The following CCDC187 variants were observed in gnomAD, a reference collection of about 807,000 sequenced individuals.
CCDC187 encodes the protein coiled-coil domain-containing protein 187.
A neutral mutation model predicts 38.0 loss-of-function variants in CCDC187; 32 were observed. That is an observed-to-expected ratio of 0.84 (90% CI 0.64 to 1.13). The LOEUF is 1.13. Among genes scored for constraint, CCDC187 ranks in the 50% most tolerant of loss-of-function variants. CCDC187 has a pLI of 0.00. For synonymous variants in CCDC187, 333 were observed against 347.9 expected (o/e 0.96, Z 0.48); for missense variants, 707 against 786.8 (o/e 0.90, Z 1.21).
chr9:136,287,391 G>A (rs1304338791), intron 7 of CCDC187, among the ~76,000 whole-genome samples: 3 of 152,190 alleles, frequency 2.0e-5, no homozygotes, highest in Admixed American at 6.5e-5. Flanking sequence ...CTACCATCAG[G>A]CCTCCCACAT....
At chr9:136,304,996 G>A (rs1831777429), upstream of CCDC187, among the ~76,000 whole-genome samples, 1 of 152,218 alleles carries the variant, frequency 6.6e-6, no homozygotes, top group South Asian at 2.1e-4. Context: ...CACCGCCCAA[G>A]CCCAGCCCCA....
intron 12 of CCDC187, among the ~76,000 whole-genome samples, chr9:136,275,509 TC>T (rs1409816834): frequency 5.3e-5 from 8 of 151,956 alleles, no homozygotes; most frequent in African/African-American, 1.9e-4. Context: ...CGCACATACT[TC>T]CATCACTCTC....
chr9:136,255,314 C>A (rs1830598556), intron 25 of CCDC187, among the ~76,000 whole-genome samples, 180 bp from the exon 26 acceptor site: 1 of 152,170 alleles, frequency 6.6e-6, no homozygotes, highest in African/African-American at 2.4e-5. Context: ...ACCACGCCCA[C>A]CCCCACCCAC....
rs1451920596 is a variant in CCDC187 at position 136,257,773 on chromosome 9, G to C, written c.4367-932C>G. Among the ~76,000 whole-genome samples, 5 of 152,250 alleles carry C rather than the reference G, an allele frequency of 3.3e-5. No individual in the cohort carries two copies. Among genetic ancestry groups the C allele is most frequent in the African/African-American group, 9.6e-5 (4 of 41,474 alleles). On this transcript the variant is annotated intron_variant, in intron 22 of 25. Coordinates refer to ENST00000638797, the MANE Select transcript of CCDC187 (RefSeq NM_001378188.1). This position sits in a 1 kb window ranked among gnomAD's most constrained non-coding sequence, Gnocchi z 4.5. ...GGAAGCTCCATCAGTGGGAACACCT[G>C]CCCTCTTGTCCGTGGCTCCGGGTGA...
At position 136,250,594 on chromosome 9, in the gene CCDC187, G is replaced by A. The variant is rs1830523240; in HGVS notation, c.*3000C>T. On this transcript the variant is annotated 3_prime_UTR_variant, in exon 26 of 26. Transcript: ENST00000638797. ...TAATTTGTTCAGAAGACTAGAAGGG[G>A]ATCAATGAGAAAGCTGTAGCTCAGC... 1 of 366,036 alleles carries A rather than the reference G, an allele frequency of 2.7e-6. No homozygotes were observed. Among genetic ancestry groups the A allele is most frequent in the South Asian group, 2.0e-5 (1 of 49,974 alleles). The allele number at this position is 366,036 out of a possible 1,614,324, so 22.7% of individuals were successfully genotyped here.
chr9:136,297,990 T>G (rs1046817413), intron 3 of CCDC187, among the ~76,000 whole-genome samples, 169 bp from the exon 4 acceptor site: 2 of 152,220 alleles, frequency 1.3e-5, no homozygotes, highest in African/African-American at 4.8e-5. Context: ...CAGCTAACGC[T>G]GGGGACAGGC....
upstream of CCDC187, among the ~76,000 whole-genome samples, chr9:136,306,093 G>T (rs1263028201): frequency 5.3e-5 from 8 of 152,216 alleles, no homozygotes; most frequent in African/African-American, 1.9e-4. Flanking sequence ...CTCTGCATGG[G>T]GTGGACAGGA....
chr9:136,300,658 T>C (rs1220299823), intron 2 of CCDC187, among the ~76,000 whole-genome samples: 2 of 151,566 alleles, frequency 1.3e-5, no homozygotes, highest in Non-Finnish European at 2.9e-5. Context: ...AGTGCCATGG[T>C]GTGATCTCAG....
rs1831718696 is a variant in CCDC187, at chr9:136,302,852, G to A, written c.585C>T (p.Gly195=). The A allele has an allele frequency of 1.3e-5, 5 of 398,740 alleles. No homozygotes were observed. Among genetic ancestry groups the A allele is most frequent in the Non-Finnish European group, 2.2e-5 (5 of 226,166 alleles). The allele number at this position is 398,740 out of a possible 1,614,324, so 24.7% of individuals were successfully genotyped here. Residue 195 remains glycine (G), a synonymous_variant, in exon 2 of 26, where the codon GGC becomes GGT. Coordinates refer to ENST00000638797, the MANE Select transcript of CCDC187 (RefSeq NM_001378188.1). ...KASTLMLRRK[G]QEAKNPPPAP... The stretch of plus-strand genomic sequence containing the variant: ...CTGGAGGGGGATTTTTTGCCTCTTG[G>A]CCTTTCCTCCTAAGCATCAGCGTGG...
chr9:136,294,260 G>C (rs1197197981), intron 4 of CCDC187, among the ~76,000 whole-genome samples: 2 of 124,628 alleles, frequency 1.6e-5, no homozygotes, highest in Non-Finnish European at 3.3e-5. Context: ...ACTCTCACGC[G>C]CTCATATACA....
chr9:136,289,489 A>G, intron 7 of CCDC187, among the ~76,000 whole-genome samples: 1 of 137,958 alleles, frequency 7.2e-6, no homozygotes, highest in Middle Eastern at 4.2e-3. Flanking sequence ...ATTGCGCTCC[A>G]GCCTGGGCAA....
At chr9:136,278,795 T>G (rs1830982390) in intron 10 of CCDC187, among the ~76,000 whole-genome samples, 1 of 152,232 alleles carries the variant, frequency 6.6e-6, no homozygotes. Context: ...CGTTTACATT[T>G]AAACTTAACA....
intron 7 of CCDC187, 53 bp downstream of exon 7, chr9:136,289,906 G>GGC: frequency 8.5e-6 from 3 of 353,700 alleles, no homozygotes; most frequent in Non-Finnish European, 1.0e-5. Flanking sequence ...ACTGTTCTTG[G>GGC]CCCCCCCCAA....
Position 136,262,302 on chromosome 9 carries a change from C to T in CCDC187, c.4064+9G>A, listed in dbSNP as rs1336150323. ...CCGACCCCCGACCCCCTAAGACCAACCAACTCACCGCGTGGCCTTTGAGCT... is the reference window on the plus strand; with the variant it reads ...CCGACCCCCGACCCCCTAAGACCAATCAACTCACCGCGTGGCCTTTGAGCT... On this transcript the variant is annotated intron_variant, in intron 19 of 25. Coordinates refer to ENST00000638797, the MANE Select transcript of CCDC187 (RefSeq NM_001378188.1). The T allele has an allele frequency of 3.4e-5, 34 of 986,124 alleles. No homozygotes were observed. The highest frequency in any genetic ancestry group is 3.6e-6 in the Non-Finnish European group (3 of 830,612). The allele number at this position is 986,124 out of a possible 1,614,324, so 61.1% of individuals were successfully genotyped here. A position where few individuals can be genotyped will look rare whatever the true frequency, so the allele number is the denominator to read the frequency against.
intron 21 of CCDC187, 25 bp from the exon 22 acceptor site, chr9:136,259,026 A>G: frequency 1.0e-6 from 1 of 985,896 alleles, no homozygotes; most frequent in South Asian, 4.7e-5. Context: ...GGGAGTGGAC[A>G]TGGCACAGGG....
Position 136,290,701 on chromosome 9 carries a change from A to G in CCDC187, c.1912T>C (p.Ser638Pro). Residue 638 changes from serine (S) to proline (P), a missense_variant, in exon 6 of 26, where the codon TCC becomes CCC. Coordinates refer to ENST00000638797, the MANE Select transcript of CCDC187 (RefSeq NM_001378188.1). Reference protein sequence around the residue: ...GLLGPSHSSESLREFMRQKAQ... With the variant: ...GLLGPSHSSEPLREFMRQKAQ... Reference sequence around the variant, plus strand: ...TTCTGGCGCATGAACTCCCGCAAGGACTCAGAGCTGTGCGAGGGTCCCAGG... The same window carrying G: ...TTCTGGCGCATGAACTCCCGCAAGGGCTCAGAGCTGTGCGAGGGTCCCAGG... The G allele has an allele frequency of 2.5e-6, 1 of 398,304 alleles. No individual in the cohort carries two copies. Among genetic ancestry groups the G allele is most frequent in the Non-Finnish European group, 4.4e-6 (1 of 225,960 alleles). The allele number at this position is 398,304 out of a possible 1,614,324, so 24.7% of individuals were successfully genotyped here.
rs1333137300 is a variant in CCDC187 at position 136,254,529 on chromosome 9, C to T, written c.5299G>A (p.Glu1767Lys). Residue 1767 changes from glutamate (E) to lysine (K), a missense_variant, in exon 26 of 26, where the codon GAG (glutamate) becomes AAG (lysine). Physicochemically the swap from Glu to Lys is moderately conservative, Grantham distance 56. Coordinates refer to ENST00000638797, the MANE Select transcript of CCDC187 (RefSeq NM_001378188.1). ...GTACAGGGTTCTGGCAGGTCCTCCT[C>T]GCAGTCCTCCTCCCAAACTTTGCTG... Reference protein sequence around the residue: ...ASSKVWEEDCEEDLPEPCTGA... With the variant: ...ASSKVWEEDCKEDLPEPCTGA... 1.7e-5 allele frequency: 17 copies of T among 985,342 alleles called. No individual in the cohort carries two copies. Among genetic ancestry groups the T allele is most frequent in the Middle Eastern group, 5.2e-4 (1 of 1,938 alleles). 61.0% of individuals were successfully genotyped at this position (985,342 alleles called of 1,614,324 possible).
At chr9:136,281,787 A>G (rs1831049828) in intron 9 of CCDC187, 124 bp from the exon 10 acceptor site, 3 of 397,526 alleles carry the variant, frequency 7.5e-6, no homozygotes, top group Non-Finnish European at 1.3e-5. Flanking sequence ...AGCAGCTCTC[A>G]GACCCCCAAC....
At chr9:136,274,308 C>T (rs1258757535) in intron 14 of CCDC187, among the ~76,000 whole-genome samples, 3 of 152,234 alleles carry the variant, frequency 2.0e-5, no homozygotes, top group African/African-American at 7.2e-5. Flanking sequence ...TGCGGACCTC[C>T]CTTCGTGTCA....
Sources: allele counts gnomAD v4.1 joint callset (sites outside exome capture counted in the v4.1 genomes callset), GRCh38; gene constraint gnomAD v4.1.1; non-coding constraint Gnocchi (gnomAD v3.1); transcripts MANE v1.5; gene names NCBI Gene and HGNC (gene_info 2026-07-23, HGNC 2026-07-21).